The following RPS6KA2 variants were observed in gnomAD, a reference collection of about 807,000 sequenced individuals.
The protein encoded by RPS6KA2 is ribosomal protein S6 kinase alpha-2.
A neutral mutation model predicts 91.8 loss-of-function variants in RPS6KA2; 42 were observed. That is an observed-to-expected ratio of 0.46 (90% CI 0.36 to 0.59). The LOEUF is 0.59. RPS6KA2 is among the 20% of genes least tolerant of loss of function. The pLI is 0.00. For synonymous variants in RPS6KA2, 414 were observed against 393.6 expected (o/e 1.05, Z -0.61); for missense variants, 798 against 978.5 (o/e 0.82, Z 2.46).
intron 15 of RPS6KA2, among the ~76,000 whole-genome samples, chr6:166,431,398 G>T (rs73269268): frequency 1.3e-5 from 2 of 152,100 alleles, no homozygotes; most frequent in South Asian, 4.2e-4. Flanking sequence ...CTGGCCCTCC[G>T]CATTTCTAAC....
rs74503721 is a variant in RPS6KA2 at position 166,538,819 on chromosome 6, C to T, written c.100-35G>A. On this transcript the variant is annotated intron_variant, in intron 1 of 20. Transcript: ENST00000265678. ...AGCGGCACGGGTGAGAAACACACCG[C>T]GAGGAGTCCCTCAGAGCCGCTCACA... is the stretch of plus-strand genomic sequence containing the variant. 2,891 of 1,162,498 alleles carry T rather than the reference C, an allele frequency of 2.5e-3. 27 individuals carry two copies. In the African/African-American group the frequency reaches 0.03, roughly 12 times the overall value. The allele number at this position is 1,162,498 out of a possible 1,614,324, so 72.0% of individuals were successfully genotyped here.
intron 2 of RPS6KA2, among the ~76,000 whole-genome samples, chr6:166,777,120 C>G (rs1778642407): frequency 6.6e-6 from 1 of 152,124 alleles, no homozygotes; most frequent in South Asian, 2.1e-4. Context: ...AGAGCTGGAC[C>G]TGAGGTTGCT....
chr6:166,412,651 C>T lies in RPS6KA2; in HGVS notation c.*111G>A, dbSNP rs866315364. Reference sequence around the variant, plus strand: ...ACACGGACACGGCGAGGGCGGGCGCCGCCTCCCTGCTGGACTTGTGGTCAC... The same window carrying T: ...ACACGGACACGGCGAGGGCGGGCGCTGCCTCCCTGCTGGACTTGTGGTCAC... On this transcript the variant is annotated 3_prime_UTR_variant, in exon 21 of 21. Coordinates refer to ENST00000265678, the MANE Select transcript of RPS6KA2 (RefSeq NM_021135.6). This position sits in a 1 kb window ranked among gnomAD's most constrained non-coding sequence, Gnocchi z 4.3. 1.4e-5 allele frequency: 16 copies of T among 1,134,334 alleles called. No individual in the cohort carries two copies. In the South Asian group the frequency reaches 1.8e-4, roughly 13 times the overall value. 70.3% of individuals were successfully genotyped at this position (1,134,334 alleles called of 1,614,324 possible). A position where few individuals can be genotyped will look rare whatever the true frequency, so the allele number is the denominator to read the frequency against.
chr6:166,518,968 C>G (rs1212903156), intron 3 of RPS6KA2, among the ~76,000 whole-genome samples: 1 of 152,232 alleles, frequency 6.6e-6, no homozygotes, highest in African/African-American at 2.4e-5. Context: ...TAGGTGGTGT[C>G]AGTCATTCAT....
chr6:166,508,174 C>G lies in RPS6KA2; in HGVS notation c.459+29G>C. ...AGTCCCAGACAGAAGCTCCTGCCCGCCCTCCTGTGTGATGTGGCGGCTGCT... is the reference window on the plus strand; with the variant it reads ...AGTCCCAGACAGAAGCTCCTGCCCGGCCTCCTGTGTGATGTGGCGGCTGCT... On this transcript the variant is annotated intron_variant, in intron 5 of 20. Transcript: ENST00000265678. This position sits in a 1 kb window ranked among gnomAD's most constrained non-coding sequence, Gnocchi z 4.3. 2 of 1,502,520 alleles carry G rather than the reference C, an allele frequency of 1.3e-6. No individual in the cohort carries two copies. Among genetic ancestry groups the G allele is most frequent in the Non-Finnish European group, 1.9e-6 (2 of 1,080,364 alleles). 93.1% of individuals were successfully genotyped at this position (1,502,520 alleles called of 1,614,324 possible).
At chr6:166,532,721 C>T (rs949521612) in intron 2 of RPS6KA2, among the ~76,000 whole-genome samples, 4 of 152,182 alleles carry the variant, frequency 2.6e-5, no homozygotes, top group Non-Finnish European at 5.9e-5. Context: ...CCGATTAGGT[C>T]CCAAGAAGTC....
Position 166,563,277 on chromosome 6 carries a change from G to A in RPS6KA2, c.100-24493C>T, listed in dbSNP as rs1420249443. Among the ~76,000 whole-genome samples, 1 of 152,190 alleles carries A rather than the reference G, an allele frequency of 6.6e-6. No homozygotes were observed. The highest frequency in any genetic ancestry group is 1.5e-5 in the Non-Finnish European group (1 of 68,030). ...CTCCGGTGGGATGGGGTGGAGCTGGGAGAGGCCCCAGCGGGAAGCACTCGG... is the reference window on the plus strand; with the variant it reads ...CTCCGGTGGGATGGGGTGGAGCTGGAAGAGGCCCCAGCGGGAAGCACTCGG... On this transcript the variant is annotated intron_variant, in intron 1 of 20. Coordinates refer to ENST00000265678, the MANE Select transcript of RPS6KA2 (RefSeq NM_021135.6). The surrounding 1 kb of genome is among the most constrained non-coding windows in gnomAD (Gnocchi z 4.1).
chr6:166,822,698 A>G (rs916099759), intron 2 of RPS6KA2, among the ~76,000 whole-genome samples: 1 of 152,186 alleles, frequency 6.6e-6, no homozygotes, highest in Non-Finnish European at 1.5e-5. Context: ...GCAGAAAATC[A>G]GGACAAAGAT....
chr6:166,818,654 T>C (rs906206701), intron 2 of RPS6KA2, among the ~76,000 whole-genome samples: 5 of 152,164 alleles, frequency 3.3e-5, no homozygotes, highest in African/African-American at 7.2e-5. Context: ...GTTATTAAAG[T>C]GGAGGTTGAA....
intron 2 of RPS6KA2, among the ~76,000 whole-genome samples, chr6:166,803,757 G>A (rs1356277307): frequency 6.6e-6 from 1 of 152,190 alleles, no homozygotes; most frequent in East Asian, 1.9e-4. Flanking sequence ...AGACTGGGAA[G>A]CACGAGATGT....
At chr6:166,482,565 C>G (rs1781266480) in intron 10 of RPS6KA2, among the ~76,000 whole-genome samples, 1 of 152,198 alleles carries the variant, frequency 6.6e-6, no homozygotes, top group African/African-American at 2.4e-5. Context: ...GGAGCAATGA[C>G]AGGGAGCCAC....
At chr6:166,439,124 T>A (rs1445848081) in intron 14 of RPS6KA2, among the ~76,000 whole-genome samples, 2 of 113,908 alleles carry the variant, frequency 1.8e-5, no homozygotes, top group Non-Finnish European at 2.0e-5. Context: ...TAATTAATTA[T>A]TTGAGATGGA....
intron 11 of RPS6KA2, among the ~76,000 whole-genome samples, chr6:166,461,856 C>T (rs79136535): frequency 6.7e-6 from 1 of 148,554 alleles, no homozygotes; most frequent in Non-Finnish European, 1.5e-5. Context: ...CTTGCCCACC[C>T]CTGCCCCTGC....
intron 3 of RPS6KA2, among the ~76,000 whole-genome samples, chr6:166,514,676 G>A (rs1219557644): frequency 6.6e-6 from 1 of 152,212 alleles, no homozygotes; most frequent in Non-Finnish European, 1.5e-5. Context: ...GAGGTCATGT[G>A]GAGGATGCAA....
intron 2 of RPS6KA2, among the ~76,000 whole-genome samples, chr6:166,836,628 C>T (rs1223895751): frequency 1.3e-5 from 2 of 152,182 alleles, no homozygotes; most frequent in African/African-American, 4.8e-5. Context: ...AACTCAGTGT[C>T]TCCTCACACA....
chr6:166,820,163 A>G (rs963706401), intron 2 of RPS6KA2, among the ~76,000 whole-genome samples: 2 of 152,174 alleles, frequency 1.3e-5, no homozygotes, highest in African/African-American at 4.8e-5. Context: ...ATAGTTGGAC[A>G]AAGCCCCTTC....
chr6:166,555,962 G>C (rs924461213), intron 1 of RPS6KA2, among the ~76,000 whole-genome samples: 1 of 152,162 alleles, frequency 6.6e-6, no homozygotes, highest in Admixed American at 6.5e-5. Flanking sequence ...GTTGCTAAGT[G>C]GGGTATCTGG....
intron 2 of RPS6KA2, among the ~76,000 whole-genome samples, chr6:166,681,788 G>A (rs985037887): frequency 6.1e-5 from 9 of 148,384 alleles, no homozygotes; most frequent in African/African-American, 2.0e-4. Context: ...TTGTGGCCCA[G>A]GGCTGGGGCC....
intron 10 of RPS6KA2, among the ~76,000 whole-genome samples, chr6:166,482,013 A>G (rs1781241306): frequency 6.6e-6 from 1 of 151,118 alleles, no homozygotes; most frequent in African/African-American, 2.4e-5. Context: ...ATCTTAAAGT[A>G]TGTGCTGCAG....
Sources: allele counts gnomAD v4.1 joint callset (sites outside exome capture counted in the v4.1 genomes callset), GRCh38; gene constraint gnomAD v4.1.1; non-coding constraint Gnocchi (gnomAD v3.1); transcripts MANE v1.5; gene names NCBI Gene and HGNC (gene_info 2026-07-23, HGNC 2026-07-21).